The following ETV1 variants were observed in gnomAD, a reference collection of about 807,000 sequenced individuals.
ETV1 encodes ETS variant transcription factor 1, also known as ETS translocation variant 1.
Under a neutral mutation model 62.3 loss-of-function variants are expected in ETV1, and 27 were observed. The ratio of observed to expected loss-of-function variants is 0.43; its 90% CI spans 0.32 to 0.60. ETV1 has a LOEUF of 0.60. Ranked by LOEUF, ETV1 falls within the 20% of genes least tolerant of loss-of-function variation. The pLI, the probability that ETV1 is intolerant of heterozygous loss-of-function variation, is 0.06. For synonymous variants in ETV1, 222 were observed against 199.6 expected (o/e 1.11, Z -0.94); for missense variants, 605 against 605.8 (o/e 1.00, Z 0.01).
At chr7:13,909,538 C>G (rs1783348999) in intron 11 of ETV1, 94 bp downstream of exon 11, 9 of 899,936 alleles carry the variant, frequency 1.0e-5, no homozygotes, top group African/African-American at 3.3e-5. Context: ...GCATAGGAAT[C>G]TTTAAGTAGG....
intron 7 of ETV1, among the ~76,000 whole-genome samples, chr7:13,936,974 A>T (rs760862100): frequency 1.3e-5 from 2 of 152,272 alleles, no homozygotes; most frequent in Non-Finnish European, 2.9e-5. Flanking sequence ...CTCGGGAGGC[A>T]GAGGTTGCAG....
At chr7:13,929,943 A>G (rs2128447713) in intron 9 of ETV1, among the ~76,000 whole-genome samples, 1 of 152,348 alleles carries the variant, frequency 6.6e-6, no homozygotes, top group South Asian at 2.1e-4. Context: ...GCAAACTGGT[A>G]ACTCAAGACC....
intron 10 of ETV1, among the ~76,000 whole-genome samples, chr7:13,909,952 A>G (rs1783395704): frequency 6.6e-6 from 1 of 152,150 alleles, no homozygotes; most frequent in Non-Finnish European, 1.5e-5. Flanking sequence ...ACAGTGAAAT[A>G]TAAAAGTTAG....
intron 6 of ETV1, among the ~76,000 whole-genome samples, chr7:13,947,392 C>CAAAAAAAAAAA (rs11352949): frequency 2.3e-5 from 2 of 86,490 alleles, no homozygotes; most frequent in Admixed American, 1.2e-4. Flanking sequence ...ACTAACTATA[C>CAAAAAAAAAAA]AAAAAAAAAA....
intron 9 of ETV1, among the ~76,000 whole-genome samples, chr7:13,919,229 G>T (rs1475529412): frequency 6.6e-6 from 1 of 152,020 alleles, no homozygotes; most frequent in Non-Finnish European, 1.5e-5. Context: ...GAGGCATAAG[G>T]GGTTACAAAA....
At chr7:13,896,743 G>GGAAAGAAA (rs10694579) in intron 13 of ETV1, among the ~76,000 whole-genome samples, 32,490 of 115,084 alleles carry the variant, frequency 0.28, 4,922 homozygotes, top group Admixed American at 0.31. Flanking sequence ...AAGAAAGAAA[G>GGAAAGAAA]GAAAGAAAGA....
intron 6 of ETV1, among the ~76,000 whole-genome samples, chr7:13,970,263 AACACACACACACACACAC>A (rs71033966): frequency 0.023 from 2,906 of 126,662 alleles, 132 homozygotes; most frequent in African/African-American, 0.031. Flanking sequence ...CCCATCTCAA[AACACACACACACACACAC>A]ACACACACAC....
chr7:13,904,746 T>C (rs1394299861), intron 12 of ETV1, among the ~76,000 whole-genome samples: 3 of 151,990 alleles, frequency 2.0e-5, no homozygotes, highest in South Asian at 4.2e-4. Flanking sequence ...ATTATTAACA[T>C]CTTCCATGAG....
intron 6 of ETV1, among the ~76,000 whole-genome samples, chr7:13,972,950 T>C (rs1781053404): frequency 1.3e-5 from 2 of 152,176 alleles, no homozygotes; most frequent in African/African-American, 4.8e-5. Flanking sequence ...TGCTTCAAAG[T>C]TAGCATCCTT....
chr7:13,939,066 T>C, intron 7 of ETV1, 51 bp downstream of exon 7: 1 of 1,562,826 alleles, frequency 6.4e-7, no homozygotes, highest in East Asian at 2.3e-5. Context: ...TTCTGGACTT[T>C]TTGATTCAAT....
At chr7:13,967,986 T>G (rs1370727629) in intron 6 of ETV1, among the ~76,000 whole-genome samples, 1 of 152,110 alleles carries the variant, frequency 6.6e-6, no homozygotes, top group East Asian at 1.9e-4. Flanking sequence ...AATATTTGGT[T>G]CTGCAAATAT....
chr7:13,916,443 C>T (rs1409852170), intron 9 of ETV1, among the ~76,000 whole-genome samples: 1 of 148,564 alleles, frequency 6.7e-6, no homozygotes, highest in African/African-American at 2.5e-5. Flanking sequence ...TTCGAGACCA[C>T]CCTAGCCAAC....
intron 6 of ETV1, among the ~76,000 whole-genome samples, chr7:13,976,980 G>A (rs1489425717): frequency 6.6e-6 from 1 of 152,164 alleles, no homozygotes; most frequent in Non-Finnish European, 1.5e-5. Context: ...ATAAGCCAAT[G>A]AATGTTTGGT....
intron 9 of ETV1, among the ~76,000 whole-genome samples, chr7:13,927,560 G>T (rs1178698963): frequency 6.6e-6 from 1 of 152,058 alleles, no homozygotes. Flanking sequence ...GGTGAAAAAA[G>T]AAATCACTGA....
At chr7:13,983,446 G>C (rs1036015404) in intron 5 of ETV1, among the ~76,000 whole-genome samples, 5 of 151,902 alleles carry the variant, frequency 3.3e-5, no homozygotes, top group African/African-American at 1.2e-4. Context: ...ACATCACCAT[G>C]ATGTTGATAG....
At chr7:13,978,733 AAG>A (rs1273853605) in intron 5 of ETV1, among the ~76,000 whole-genome samples, 1 of 151,924 alleles carries the variant, frequency 6.6e-6, no homozygotes, top group African/African-American at 2.4e-5. Flanking sequence ...TTATATAAAA[AAG>A]AATACAATAT....
rs950240920 is a variant in ETV1, at chr7:13,900,789, A to G, written c.1161T>C (p.Asp387=). 2 of 1,610,610 alleles carry G rather than the reference A, an allele frequency of 1.2e-6. No individual in the cohort carries two copies. Among genetic ancestry groups the G allele is most frequent in the African/African-American group, 2.7e-5 (2 of 74,866 alleles). ...AATAGCGGAGTGAACGGCTAAGTTT[A>G]TCATAGTTCATAGCTGGCCTGTTTT... The part of the protein sequence containing the change: ...IQKNRPAMNY[D]KLSRSLRYYY... Residue 387 remains aspartate, a synonymous_variant, in exon 13 of 14, where the codon GAT becomes GAC. Coordinates refer to ENST00000430479, the MANE Select transcript of ETV1 (RefSeq NM_004956.5).
intron 6 of ETV1, among the ~76,000 whole-genome samples, chr7:13,973,972 T>A (rs1389187683): frequency 4.6e-5 from 7 of 152,188 alleles, no homozygotes; most frequent in Admixed American, 2.6e-4. Flanking sequence ...ATTTTACTTA[T>A]TGTTCTCCTA....
intron 13 of ETV1, among the ~76,000 whole-genome samples, chr7:13,899,993 G>A (rs577556008): frequency 2.9e-4 from 44 of 152,284 alleles, no homozygotes; most frequent in African/African-American, 1.0e-3. Flanking sequence ...GCTGGGTGTG[G>A]TGGTGCGCAC....
Sources: allele counts gnomAD v4.1 joint callset (sites outside exome capture counted in the v4.1 genomes callset), GRCh38; gene constraint gnomAD v4.1.1; transcripts MANE v1.5; gene names NCBI Gene and HGNC (gene_info 2026-07-23, HGNC 2026-07-21).